Variants in SP4 observed in about 807,000 individuals in gnomAD.
SP4 encodes Sp4 transcription factor, also known as transcription factor Sp4.
Under a neutral mutation model 72.8 loss-of-function variants are expected in SP4, and 19 were observed. That is an observed-to-expected ratio of 0.26 (90% CI 0.18 to 0.38). SP4 has a LOEUF of 0.38. SP4 is among the 10% of genes least tolerant of loss of function. The probability of loss-of-function intolerance (pLI) is 1.00; values close to 1 mark genes in which losing one functional copy is unlikely to be tolerated. For synonymous variants in SP4, 395 were observed against 333.1 expected, an observed-to-expected ratio of 1.19 and a Z score of -2.02; for missense variants, 1,008 against 926.3, an observed-to-expected ratio of 1.09 and a Z score of -1.14.
chr7:21,503,904 C>T (rs1359181449), intron 5 of SP4, among the ~76,000 whole-genome samples: 1 of 152,192 alleles, frequency 6.6e-6, no homozygotes, highest in African/African-American at 2.4e-5. Flanking sequence ...CACACAAAGC[C>T]TGGGGTCCCC....
At chr7:21,475,179 A>T (rs370482845) in intron 3 of SP4, among the ~76,000 whole-genome samples, 9 of 151,722 alleles carry the variant, frequency 5.9e-5, no homozygotes, top group African/African-American at 2.2e-4. Context: ...CAGTGGCACA[A>T]TTTCGGCTCA....
At chr7:21,444,792 T>G (rs9639379) in intron 3 of SP4, among the ~76,000 whole-genome samples, 95,167 of 152,006 alleles carry the variant, frequency 0.63, 30,201 homozygotes, top group Middle Eastern at 0.73. Flanking sequence ...GCCAGTAAGT[T>G]AGGGTGCTAG....
chr7:21,492,802 C>G (rs1785014260), intron 5 of SP4, among the ~76,000 whole-genome samples: 1 of 152,196 alleles, frequency 6.6e-6, no homozygotes, highest in South Asian at 2.1e-4. Context: ...TAACACTCCA[C>G]TTTAAAGAAT....
At chr7:21,467,447 C>T (rs1177696298) in intron 3 of SP4, among the ~76,000 whole-genome samples, 2 of 152,036 alleles carry the variant, frequency 1.3e-5, no homozygotes, top group Admixed American at 6.6e-5. Context: ...CAGCTATCAC[C>T]ACAATCTAGT....
intron 5 of SP4, among the ~76,000 whole-genome samples, chr7:21,483,189 A>T (rs937687623): frequency 6.6e-6 from 1 of 152,090 alleles, no homozygotes; most frequent in East Asian, 1.9e-4. Context: ...GTTATCCATG[A>T]GATTAAGCAC....
chr7:21,462,511 C>T (rs909158683), intron 3 of SP4, among the ~76,000 whole-genome samples: 1 of 152,042 alleles, frequency 6.6e-6, no homozygotes, highest in Admixed American at 6.6e-5. Context: ...AGTGATGAAC[C>T]TGAATTTTGA....
chr7:21,457,030 G>GA (rs1783787084), intron 3 of SP4, among the ~76,000 whole-genome samples: 1 of 125,432 alleles, frequency 8.0e-6, no homozygotes, highest in Non-Finnish European at 1.7e-5. Flanking sequence ...AGCCTAAGAA[G>GA]GAAGGCATAG....
At chr7:21,481,877 C>A in intron 4 of SP4, 47 bp from the exon 5 acceptor site, 1 of 1,272,608 alleles carries the variant, frequency 7.9e-7, no homozygotes, top group Non-Finnish European at 1.1e-6. Context: ...TAATTGTAAA[C>A]CTACTATTTG....
intron 3 of SP4, among the ~76,000 whole-genome samples, chr7:21,449,299 G>C (rs1357299490): frequency 6.6e-6 from 1 of 152,186 alleles, no homozygotes; most frequent in East Asian, 1.9e-4. Context: ...TGACCCGTAT[G>C]CTCCACATCC....
chr7:21,498,951 C>T lies in SP4; in HGVS notation c.2108-12071C>T, dbSNP rs577413303. ...TACAAAAATTAGCTGGGCACAGTGG[C>T]GGCCTGTAGTCCCAGCTATTCGGGA... On this transcript the variant is annotated intron_variant, in intron 5 of 5. Transcript: ENST00000222584. Among the ~76,000 whole-genome samples the T allele has an allele frequency of 1.7e-4, 26 of 151,662 alleles. No individual in the cohort carries two copies. In the East Asian group the frequency reaches 2.3e-3, roughly 14 times the overall value.
chr7:21,463,546 G>A (rs1784066767), intron 3 of SP4, among the ~76,000 whole-genome samples: 1 of 152,184 alleles, frequency 6.6e-6, no homozygotes, highest in Non-Finnish European at 1.5e-5. Context: ...GCCAGAGGAG[G>A]GTTGGATTGA....
In SP4 at chr7:21,481,913, G is replaced by C; in HGVS notation, c.1908-11G>C. On this transcript the variant is annotated splice_polypyrimidine_tract_variant and intron_variant, in intron 4 of 5. Coordinates refer to ENST00000222584, the MANE Select transcript of SP4 (RefSeq NM_003112.5). ...GCAGTGTAATTAATGTTCGGTTTTT[G>C]TTTTTGCTAGAGGCAGTAATGAACC... 1 of 1,606,088 alleles carries C rather than the reference G, an allele frequency of 6.2e-7. No homozygotes were observed. Among genetic ancestry groups the C allele is most frequent in the Non-Finnish European group, 8.5e-7 (1 of 1,173,838 alleles).
chr7:21,460,392 C>T (rs1783920227), intron 3 of SP4, among the ~76,000 whole-genome samples: 1 of 149,012 alleles, frequency 6.7e-6, no homozygotes, highest in Non-Finnish European at 1.5e-5. Flanking sequence ...GTTTTTTCCT[C>T]CCGGTGGGTT....
At chr7:21,504,202 G>C (rs10268512) in intron 5 of SP4, among the ~76,000 whole-genome samples, 45,032 of 152,020 alleles carry the variant, frequency 0.3, 7,130 homozygotes, top group Non-Finnish European at 0.34. Context: ...ATGAACTATG[G>C]CTACCTCTGC....
chr7:21,492,686 C>G (rs574346990), intron 5 of SP4, among the ~76,000 whole-genome samples: 4 of 152,156 alleles, frequency 2.6e-5, no homozygotes, highest in Admixed American at 6.5e-5. Context: ...AATCATTACA[C>G]TAAATGCAAG....
At position 21,430,107 on chromosome 7, in the gene SP4, G is replaced by A. The variant is rs1391549742; in HGVS notation, c.942G>A (p.Met314Ile). Residue 314 changes from methionine (M) to isoleucine (I), a missense_variant, in exon 3 of 6, where the codon ATG becomes ATA. Coordinates refer to ENST00000222584, the MANE Select transcript of SP4 (RefSeq NM_003112.5). ...ACACCACTACTTCTGCCAGTACTAT[G>A]CCAGAATCTCCCTCCTCCTCCACTA... ...PTNTTTSAST[M>I]PESPSSSTTC... is the part of the protein sequence containing the mutation. The A allele has an allele frequency of 1.2e-5, 20 of 1,614,112 alleles. No homozygotes were observed. The highest frequency in any genetic ancestry group is 1.7e-5 in the Non-Finnish European group (20 of 1,180,022).
chr7:21,428,383 G>A (rs899720359), intron 1 of SP4, 125 bp downstream of exon 1: 2 of 706,808 alleles, frequency 2.8e-6, no homozygotes, highest in Non-Finnish European at 2.6e-6. Flanking sequence ...GGAGGAGAGG[G>A]CGGGAGGGAA....
chr7:21,514,244 A>T lies in SP4; in HGVS notation c.*2975A>T, dbSNP rs1014698601. ...TAAAAGTGTGTAATCTAGGAGAAAA[A>T]GTTAATTTGTCAAACTTAGATAAGC... On this transcript the variant is annotated 3_prime_UTR_variant, in exon 6 of 6. Transcript: ENST00000222584. 2.0e-5 allele frequency: 3 copies of T among 152,588 alleles called. No individual in the cohort carries two copies. Among genetic ancestry groups the T allele is most frequent in the African/African-American group, 7.2e-5 (3 of 41,444 alleles). The allele number at this position is 152,588 out of a possible 1,614,324, so 9.5% of individuals were successfully genotyped here.
At position 21,476,174 on chromosome 7, in the gene SP4, TGAA is replaced by T. The variant is rs913273250; in HGVS notation, c.1679-895_1679-893del. Reference sequence around the variant, plus strand: ...CTGTCATCCCAGCTACTAGGGAGGCTGAAGAAGAAGAATTGCTTGAACCCAGGA... The same window carrying T: ...CTGTCATCCCAGCTACTAGGGAGGCTGAAGAAGAATTGCTTGAACCCAGGA... On this transcript the variant is annotated intron_variant, in intron 3 of 5. Coordinates refer to ENST00000222584, the MANE Select transcript of SP4 (RefSeq NM_003112.5). 3.0e-4 allele frequency among the ~76,000 whole-genome samples: 44 copies of T among 144,294 alleles called. 1 individual carries two copies. The highest frequency in any genetic ancestry group is 2.2e-3 in the Admixed American group (29 of 13,470). The allele number at this position is 144,294 out of a possible 152,430, so 94.7% of individuals were successfully genotyped here.
Sources: gnomAD v4.1 joint callset for allele counts (sites outside exome capture counted in the v4.1 genomes callset) on GRCh38, gnomAD v4.1.1 for gene constraint, MANE v1.5 for transcripts, NCBI Gene and HGNC (gene_info 2026-07-23, HGNC 2026-07-21) for gene names.